Variants in CPA3 observed in about 807,000 individuals in gnomAD.
CPA3 encodes the protein mast cell carboxypeptidase A.
In CPA3, 52 loss-of-function variants were observed where a neutral mutation model predicts 55.8. The ratio of observed to expected loss-of-function variants is 0.93; its 90% CI spans 0.75 to 1.17. The LOEUF is 1.17. CPA3 is among the 50% of genes most tolerant of loss of function. The pLI is 0.00. For missense variants in CPA3, 547 were observed against 509.1 expected, an observed-to-expected ratio of 1.07 and a Z score of -0.72; for synonymous variants, 179 against 171.2, an observed-to-expected ratio of 1.05 and a Z score of -0.36.
intron 6 of CPA3, among the ~76,000 whole-genome samples, chr3:148,881,267 G>T (rs1288818206): frequency 6.6e-6 from 1 of 152,002 alleles, no homozygotes; most frequent in East Asian, 1.9e-4. Context: ...TGCTACATTT[G>T]GAATGCTATA....
Position 148,866,733 on chromosome 3 carries a change from C to T in CPA3, c.144+1185C>T, listed in dbSNP as rs182737328. ...TGATAGCACTTAGAAGCAGGCCTGC[C>T]ATATTAAGCACCATAGAAGCGTTTT... On this transcript the variant is annotated intron_variant, in intron 2 of 10. Coordinates refer to ENST00000296046, the MANE Select transcript of CPA3 (RefSeq NM_001870.4). 1.5e-3 allele frequency among the ~76,000 whole-genome samples: 231 copies of T among 152,192 alleles called. 1 individual carries two copies. Among genetic ancestry groups the T allele is most frequent in the African/African-American group, 5.3e-3 (220 of 41,550 alleles).
chr3:148,869,157 T>C, intron 3 of CPA3, 118 bp downstream of exon 3: 1 of 1,135,066 alleles, frequency 8.8e-7, no homozygotes, highest in Non-Finnish European at 1.2e-6. Flanking sequence ...CGAAAGCTCT[T>C]TCTGTAAGAT....
At chr3:148,892,755 A>G (rs947690876) in intron 10 of CPA3, among the ~76,000 whole-genome samples, 6 of 152,288 alleles carry the variant, frequency 3.9e-5, no homozygotes, top group Admixed American at 6.5e-5. Context: ...AGGTAGGCAG[A>G]TTGCCTGAGG....
chr3:148,896,236 C>G (rs1155257), intron 10 of CPA3, among the ~76,000 whole-genome samples: 66,042 of 151,938 alleles, frequency 0.43, 16,725 homozygotes, highest in Non-Finnish European at 0.57. Flanking sequence ...TACTTGTCCT[C>G]AACACGTCCA....
Position 148,886,114 on chromosome 3 carries a change from A to G in CPA3, c.1003A>G (p.Thr335Ala). ...EDLAKVAKIG[T>A]DVLSTRYETR... is the part of the protein sequence containing the mutation. ...CCAGGCCAAAGTTGCAAAGATTGGC[A>G]CTGATGTTCTATCAACTCGATATGA... The change falls in exon 10 of 11, where the codon ACT becomes GCT. Residue 335 changes from threonine (T) to alanine (A), a missense_variant. Physicochemically the swap from Thr to Ala is moderately conservative, Grantham distance 58. Transcript: ENST00000296046. The G allele has an allele frequency of 1.9e-6, 3 of 1,613,682 alleles. No individual in the cohort carries two copies. The highest frequency in any genetic ancestry group is 2.5e-6 in the Non-Finnish European group (3 of 1,179,758).
chr3:148,866,073 T>C (rs577287770), intron 2 of CPA3, among the ~76,000 whole-genome samples: 1 of 152,338 alleles, frequency 6.6e-6, no homozygotes, highest in African/African-American at 2.4e-5. Context: ...TGCTCCTATT[T>C]ATGTTGCACC....
chr3:148,879,921 T>C, intron 6 of CPA3, 32 bp downstream of exon 6: 2 of 1,452,974 alleles, frequency 1.4e-6, no homozygotes, highest in East Asian at 2.3e-5. Context: ...CAATTCTCCT[T>C]TGACTGCCAA....
chr3:148,890,831 G>A (rs975082597), intron 10 of CPA3, among the ~76,000 whole-genome samples: 6 of 152,194 alleles, frequency 3.9e-5, no homozygotes, highest in East Asian at 1.9e-4. Flanking sequence ...AGTTTGGTAC[G>A]GTTTCATTTT....
At chr3:148,885,154 G>C (rs1714493190) in intron 9 of CPA3, among the ~76,000 whole-genome samples, 1 of 152,008 alleles carries the variant, frequency 6.6e-6, no homozygotes. Context: ...TCTTCCCTTG[G>C]TATGCTGAAG....
rs766481019 is a variant in CPA3 at position 148,883,635 on chromosome 3, A to C, written c.801A>C (p.Pro267=). Residue 267 remains proline (P), a synonymous_variant, in exon 9 of 11, where the codon CCA becomes CCC. Transcript: ENST00000296046. ...SWNSIPNTND[P]CADNYRGSAP... Reference sequence around the variant, plus strand: ...CAGCCATTCCTAACACCAATGACCCATGTGCAGATAACTATCGGGGCTCTG... The same window carrying C: ...CAGCCATTCCTAACACCAATGACCCCTGTGCAGATAACTATCGGGGCTCTG... 1.9e-6 allele frequency: 3 copies of C among 1,614,014 alleles called. No homozygotes were observed. The South Asian group carries it at 3.3e-5, about 18-fold the overall frequency.
intron 2 of CPA3, among the ~76,000 whole-genome samples, chr3:148,868,115 G>A (rs575307859): frequency 3.9e-5 from 6 of 152,012 alleles, no homozygotes; most frequent in Non-Finnish European, 8.8e-5. Flanking sequence ...GGCTGGTCTC[G>A]AACTCCCGAC....
chr3:148,865,530 C>T lies in CPA3; in HGVS notation c.126C>T (p.Asp42=). Reference sequence around the variant, plus strand: ...AAAAACAAGCAGACATCATAAAGGACTTGGCCAAAACCAATGAGGTAAGCA... The same window carrying T: ...AAAAACAAGCAGACATCATAAAGGATTTGGCCAAAACCAATGAGGTAAGCA... ...QDEKQADIIK[D]LAKTNELDFW... is the part of the protein sequence containing the mutation. Residue 42 remains aspartate (D), a synonymous_variant, in exon 2 of 11, where the codon GAC becomes GAT. Transcript: ENST00000296046. The T allele has an allele frequency of 4.3e-6, 7 of 1,613,920 alleles. No individual in the cohort carries two copies. Among genetic ancestry groups the T allele is most frequent in the Non-Finnish European group, 5.9e-6 (7 of 1,179,912 alleles).
intron 10 of CPA3, among the ~76,000 whole-genome samples, chr3:148,893,007 A>C (rs1714718755): frequency 1.3e-5 from 2 of 152,206 alleles, no homozygotes; most frequent in South Asian, 4.1e-4. Flanking sequence ...ACACAAAAGT[A>C]GGCCAGGGCC....
intron 9 of CPA3, among the ~76,000 whole-genome samples, chr3:148,884,154 A>T (rs1162681460): frequency 6.6e-6 from 1 of 152,196 alleles, no homozygotes; most frequent in Non-Finnish European, 1.5e-5. Flanking sequence ...GAAAAAGCCC[A>T]ATAGAATAGC....
chr3:148,892,086 A>G (rs1241419711), intron 10 of CPA3, among the ~76,000 whole-genome samples: 1 of 151,948 alleles, frequency 6.6e-6, no homozygotes, highest in African/African-American at 2.4e-5. Context: ...TTTGAACTCT[A>G]CTGGTTCTCT....
chr3:148,891,343 A>G (rs4681454), intron 10 of CPA3, among the ~76,000 whole-genome samples: 68,940 of 151,892 alleles, frequency 0.45, 17,333 homozygotes, highest in Non-Finnish European at 0.57. Context: ...GGCCAGGCAC[A>G]GTGATGCACA....
intron 2 of CPA3, among the ~76,000 whole-genome samples, chr3:148,867,041 C>A (rs1265284126): frequency 6.6e-6 from 1 of 152,188 alleles, no homozygotes. Flanking sequence ...CAGGCATGAG[C>A]CACCATGCCC....
intron 10 of CPA3, among the ~76,000 whole-genome samples, chr3:148,890,958 T>C (rs1714648216): frequency 6.6e-6 from 1 of 152,224 alleles, no homozygotes; most frequent in African/African-American, 2.4e-5. Context: ...AATTATCTTA[T>C]AGAACTGAGT....
At position 148,865,460 on chromosome 3, in the gene CPA3, T is replaced by G; in HGVS notation, c.69-13T>G. 1 of 1,613,854 alleles carries G rather than the reference T, an allele frequency of 6.2e-7. No individual in the cohort carries two copies. Among genetic ancestry groups the G allele is most frequent in the Non-Finnish European group, 8.5e-7 (1 of 1,179,924 alleles). ...TACAGTTCACTTTTTTTTTTTCATTTGCCTCCACAAAGGGAGAAGGTGTTC... is the reference window on the plus strand; with the variant it reads ...TACAGTTCACTTTTTTTTTTTCATTGGCCTCCACAAAGGGAGAAGGTGTTC... On this transcript the variant is annotated splice_polypyrimidine_tract_variant and intron_variant, in intron 1 of 10. Coordinates refer to ENST00000296046, the MANE Select transcript of CPA3 (RefSeq NM_001870.4).
Sources: allele counts gnomAD v4.1 joint callset (sites outside exome capture counted in the v4.1 genomes callset), GRCh38; gene constraint gnomAD v4.1.1; transcripts MANE v1.5; gene names NCBI Gene and HGNC (gene_info 2026-07-23, HGNC 2026-07-21).